The following DLG2 variants were observed in gnomAD, a reference collection of about 807,000 sequenced individuals.
DLG2 encodes the protein discs large MAGUK scaffold protein 2.
A neutral mutation model predicts 132.5 loss-of-function variants in DLG2; 45 were observed. The ratio of observed to expected loss-of-function variants is 0.34; its 90% confidence interval spans 0.27 to 0.44. DLG2 has a LOEUF of 0.44. Ranked by LOEUF, DLG2 falls within the 20% of genes least tolerant of loss-of-function variation. The pLI, the probability that DLG2 is intolerant of heterozygous loss-of-function variation, is 1.00. For synonymous variants in DLG2, 424 were observed against 419.6 expected, an observed-to-expected ratio of 1.01 and a Z score of -0.13; for missense variants, 1,045 against 1,196.9, an observed-to-expected ratio of 0.87 and a Z score of 1.87.
intron 6 of DLG2, among the ~76,000 whole-genome samples, chr11:84,621,857 A>T (rs971553113): frequency 6.6e-6 from 1 of 152,194 alleles, no homozygotes; most frequent in African/African-American, 2.4e-5. Context: ...TTATTTGCTC[A>T]GAACACCGCC....
chr11:85,389,207 A>C (rs2086596858), intron 3 of DLG2, among the ~76,000 whole-genome samples: 1 of 152,156 alleles, frequency 6.6e-6, no homozygotes, highest in South Asian at 2.1e-4. Flanking sequence ...AGAAATACAA[A>C]ATGCACTAAA....
chr11:85,032,130 C>T (rs1196173449), intron 6 of DLG2, among the ~76,000 whole-genome samples: 3 of 151,796 alleles, frequency 2.0e-5, no homozygotes, highest in Admixed American at 2.0e-4. Flanking sequence ...AAATAAAATG[C>T]AATTTCTGTA....
chr11:84,982,531 T>C (rs570613666), intron 6 of DLG2, among the ~76,000 whole-genome samples: 54 of 152,276 alleles, frequency 3.5e-4, no homozygotes, highest in African/African-American at 1.2e-3. Flanking sequence ...TCCTCATTGA[T>C]TGTCCCAACT....
At chr11:84,515,801 CAT>C (rs1374694455) in intron 7 of DLG2, among the ~76,000 whole-genome samples, 1 of 151,692 alleles carries the variant, frequency 6.6e-6, no homozygotes, top group Non-Finnish European at 1.5e-5. Flanking sequence ...TTTAAGTGCA[CAT>C]AGAGCATTTT....
At chr11:84,247,074 C>T (rs17147076) in intron 8 of DLG2, among the ~76,000 whole-genome samples, 5,430 of 152,140 alleles carry the variant, frequency 0.036, 111 homozygotes, top group South Asian at 0.072. Flanking sequence ...CTCAACAGTG[C>T]ATTTCTATCA....
intron 11 of DLG2, among the ~76,000 whole-genome samples, chr11:84,028,654 A>T (rs1359886202): frequency 2.0e-5 from 3 of 152,128 alleles, no homozygotes; most frequent in Non-Finnish European, 4.4e-5. Flanking sequence ...ACTCCTTACC[A>T]TGGCCTCCTG....
intron 21 of DLG2, among the ~76,000 whole-genome samples, chr11:83,500,439 G>T (rs534079418): frequency 1.6e-4 from 24 of 152,222 alleles, no homozygotes; most frequent in African/African-American, 5.8e-4. Flanking sequence ...AAGTATCAGA[G>T]AATCAAATCC....
At chr11:85,106,569 C>A (rs775296039) in intron 6 of DLG2, among the ~76,000 whole-genome samples, 1 of 151,956 alleles carries the variant, frequency 6.6e-6, no homozygotes, top group Non-Finnish European at 1.5e-5. Context: ...CCCATGCACT[C>A]CCTTCTGGAA....
intron 18 of DLG2, among the ~76,000 whole-genome samples, chr11:83,734,432 C>T (rs1238859682): frequency 6.7e-6 from 1 of 148,448 alleles, no homozygotes; most frequent in African/African-American, 2.5e-5. Context: ...TCCCTCCTTC[C>T]TTTCTCTCTC....
intron 9 of DLG2, among the ~76,000 whole-genome samples, chr11:84,156,516 A>C (rs886843269): frequency 2.0e-5 from 3 of 152,216 alleles, no homozygotes; most frequent in Non-Finnish European, 2.9e-5. Context: ...GAAGAAAAAA[A>C]CATTTGGAGT....
chr11:84,667,049 T>G (rs1187131560), intron 6 of DLG2, among the ~76,000 whole-genome samples: 1 of 152,218 alleles, frequency 6.6e-6, no homozygotes, highest in Non-Finnish European at 1.5e-5. Context: ...ATGACTTATT[T>G]ATTGATGAGA....
chr11:83,794,437 GTTTTTT>G (rs200672667), intron 17 of DLG2, among the ~76,000 whole-genome samples: 361 of 127,416 alleles, frequency 2.8e-3, no homozygotes, highest in Non-Finnish European at 4.7e-3. Context: ...TTTACTATTG[GTTTTTT>G]TTTTTTTTTT....
chr11:84,764,500 A>C (rs1186452532), intron 6 of DLG2, among the ~76,000 whole-genome samples: 1 of 152,124 alleles, frequency 6.6e-6, no homozygotes, highest in Admixed American at 6.6e-5. Flanking sequence ...ATAATAAAAA[A>C]TGGCTAATTG....
intron 4 of DLG2, among the ~76,000 whole-genome samples, chr11:85,238,693 T>C (rs1159959998): frequency 1.3e-5 from 2 of 152,140 alleles, no homozygotes; most frequent in Non-Finnish European, 2.9e-5. Context: ...TTAGAGTCTT[T>C]AGGTATGGCT....
At chr11:84,756,127 A>G (rs1024867415) in intron 6 of DLG2, among the ~76,000 whole-genome samples, 5 of 152,214 alleles carry the variant, frequency 3.3e-5, no homozygotes, top group Non-Finnish European at 7.3e-5. Context: ...TTAAAACATC[A>G]TTCATTTCCA....
chr11:84,127,297 G>C (rs909374052), intron 9 of DLG2, among the ~76,000 whole-genome samples: 2 of 152,166 alleles, frequency 1.3e-5, no homozygotes, highest in African/African-American at 2.4e-5. Flanking sequence ...ACCCAGTTCT[G>C]ACATACATTC....
At chr11:84,466,546 C>A (rs895566132) in intron 7 of DLG2, among the ~76,000 whole-genome samples, 1 of 151,150 alleles carries the variant, frequency 6.6e-6, no homozygotes. Context: ...AAAAGATGTT[C>A]GGCATCACTG....
chr11:85,526,564 T>C (rs968735555), intron 3 of DLG2, among the ~76,000 whole-genome samples: 1 of 152,208 alleles, frequency 6.6e-6, no homozygotes, highest in Admixed American at 6.5e-5. Context: ...TGACACCATA[T>C]GTAAATCTGG....
intron 6 of DLG2, among the ~76,000 whole-genome samples, chr11:84,975,033 G>A (rs2054676895): frequency 6.6e-6 from 1 of 152,062 alleles, no homozygotes; most frequent in African/African-American, 2.4e-5. Context: ...TTTTGCAGGT[G>A]TCATAGTAAG....
Sources: allele counts gnomAD v4.1 joint callset (sites outside exome capture counted in the v4.1 genomes callset), GRCh38; gene constraint gnomAD v4.1.1; transcripts MANE v1.5; gene names NCBI Gene and HGNC (gene_info 2026-07-23, HGNC 2026-07-21).